ACP6: variants seen among roughly 807,000 people sequenced by gnomAD.
ACP6 encodes the protein lysophosphatidic acid phosphatase type 6.
Under a neutral mutation model 48.1 loss-of-function variants are expected in ACP6, and 48 were observed. That is an observed-to-expected ratio of 1.00 (90% CI 0.79 to 1.27). The LOEUF is 1.27. Among genes scored for constraint, ACP6 ranks in the 50% most tolerant of loss-of-function variants. The pLI is 0.00. For missense variants in ACP6, 485 were observed against 529.1 expected, an observed-to-expected ratio of 0.92 and a Z score of 0.82; for synonymous variants, 172 against 204.2, an observed-to-expected ratio of 0.84 and a Z score of 1.34.
chr1:147,655,385 G>T (rs782159489), intron 4 of ACP6, 137 bp from the exon 5 acceptor site: 5 of 674,074 alleles, frequency 7.4e-6, no homozygotes, highest in African/African-American at 1.8e-5. Flanking sequence ...TACTCCTTAA[G>T]GACAGAAAAT....
At chr1:147,653,239 T>C (rs1553210986) in intron 6 of ACP6, among the ~76,000 whole-genome samples, 1 of 151,772 alleles carries the variant, frequency 6.6e-6, no homozygotes, top group Non-Finnish European at 1.5e-5. Flanking sequence ...CAAGCAAGTA[T>C]TCTGCCTCAG....
At position 147,646,111 on chromosome 1, in the gene ACP6, A is replaced by G. The variant is rs1357077128; in HGVS notation, c.*1312T>C. On this transcript the variant is annotated 3_prime_UTR_variant, in exon 10 of 10. Transcript: ENST00000583509. ...AAATACAGTAACCAGCAGACTGAGG[A>G]TGGGAAGGGGATGCTGAAGATTGAG... 1 of 152,236 alleles carries G rather than the reference A, an allele frequency of 6.6e-6. No individual in the cohort carries two copies. The highest frequency in any genetic ancestry group is 1.5e-5 in the Non-Finnish European group (1 of 68,046). The allele number at this position is 152,236 out of a possible 1,614,324, so 9.4% of individuals were successfully genotyped here.
At chr1:147,663,226 G>C (rs12025871) in intron 1 of ACP6, among the ~76,000 whole-genome samples, 15,001 of 152,150 alleles carry the variant, frequency 0.099, 1,026 homozygotes, top group East Asian at 0.33. Flanking sequence ...AGGTATGCTT[G>C]TCTGTGTAGA....
chr1:147,668,589 G>A (rs1243018483), intron 1 of ACP6, among the ~76,000 whole-genome samples: 1 of 151,950 alleles, frequency 6.6e-6, no homozygotes, highest in African/African-American at 2.4e-5. Context: ...TGGGGGAAGG[G>A]GAGCATCAGA....
chr1:147,637,044 T>C (rs1342626391), intron 5 of ACP6, among the ~76,000 whole-genome samples: 1 of 152,200 alleles, frequency 6.6e-6, no homozygotes, highest in Non-Finnish European at 1.5e-5. Context: ...AACACTTTAA[T>C]AAGGTTACAC....
At chr1:147,631,839 A>T (rs1659173455) in intron 5 of ACP6, among the ~76,000 whole-genome samples, 1 of 151,770 alleles carries the variant, frequency 6.6e-6, no homozygotes, top group Admixed American at 6.6e-5. Flanking sequence ...ACAACAAAAA[A>T]AACAGTATGA....
intron 1 of ACP6, among the ~76,000 whole-genome samples, chr1:147,662,950 C>A (rs587668838): frequency 6.6e-6 from 1 of 152,338 alleles, no homozygotes; most frequent in South Asian, 2.1e-4. Context: ...GATCAGTCAG[C>A]AGCCATCAAC....
intron 1 of ACP6, 96 bp downstream of exon 1, chr1:147,669,734 G>T: frequency 7.6e-7 from 1 of 1,307,988 alleles, no homozygotes; most frequent in Non-Finnish European, 1.0e-6. Flanking sequence ...GCCCCGCTCC[G>T]CGCGAGTAAA....
At chr1:147,662,484 C>T (rs1225826377) in intron 1 of ACP6, among the ~76,000 whole-genome samples, 1 of 152,130 alleles carries the variant, frequency 6.6e-6, no homozygotes, top group Non-Finnish European at 1.5e-5. Flanking sequence ...AGATTTGACT[C>T]CAACCCTCAT....
At chr1:147,666,600 CA>C (rs1207088420) in intron 1 of ACP6, among the ~76,000 whole-genome samples, 3 of 152,152 alleles carry the variant, frequency 2.0e-5, no homozygotes, top group Admixed American at 6.5e-5. Flanking sequence ...GATTATCCCC[CA>C]AAAAAGTGGG....
chr1:147,653,125 C>A (rs1305771933), intron 6 of ACP6, among the ~76,000 whole-genome samples: 2 of 151,786 alleles, frequency 1.3e-5, no homozygotes, highest in African/African-American at 4.8e-5. Context: ...CCGCGCCCGG[C>A]CTGTTTTACT....
chr1:147,659,152 T>C (rs1250260529), intron 3 of ACP6, 113 bp from the exon 4 acceptor site: 3 of 1,136,306 alleles, frequency 2.6e-6, no homozygotes, highest in East Asian at 2.6e-5. Context: ...AGGAGAGCTA[T>C]GGAACTAGGA....
downstream of ACP6, among the ~76,000 whole-genome samples, chr1:147,637,757 TA>T (rs1467715582): frequency 6.6e-6 from 1 of 152,228 alleles, no homozygotes; most frequent in Non-Finnish European, 1.5e-5. Flanking sequence ...TTGTCTCCAT[TA>T]AGTTCCATCT....
intron 1 of ACP6, among the ~76,000 whole-genome samples, chr1:147,662,055 A>G (rs1660572579): frequency 6.6e-6 from 1 of 152,230 alleles, no homozygotes; most frequent in South Asian, 2.1e-4. Flanking sequence ...AAATGGAACA[A>G]CAAAGCCTGC....
rs587771801 is a variant in ACP6 at position 147,653,509 on chromosome 1, C to G, written c.780+685G>C. Reference sequence around the variant, plus strand: ...AAATTCCTACTTGATCTTCATTTTCCCAAAATGAAGTCTAAAAAATACGCC... The same window carrying G: ...AAATTCCTACTTGATCTTCATTTTCGCAAAATGAAGTCTAAAAAATACGCC... On this transcript the variant is annotated intron_variant, in intron 6 of 9. Coordinates refer to ENST00000583509, the MANE Select transcript of ACP6 (RefSeq NM_016361.5). Among the ~76,000 whole-genome samples, 215 of 152,012 alleles carry G rather than the reference C, an allele frequency of 1.4e-3. 2 individuals carry two copies. The highest frequency in any genetic ancestry group is 1.0e-3 in the Non-Finnish European group (71 of 68,002).
At chr1:147,629,904 G>GC (rs1553207143) in exon 6 of ACP6, 43 of 152,318 alleles carry the variant, frequency 2.8e-4, no homozygotes, top group Middle Eastern at 3.4e-3. Flanking sequence ...TTAACTTTCT[G>GC]TCTCAGTGCT....
intron 5 of ACP6, among the ~76,000 whole-genome samples, chr1:147,636,386 A>C (rs1183966782): frequency 6.6e-6 from 1 of 152,220 alleles, no homozygotes; most frequent in Non-Finnish European, 1.5e-5. Flanking sequence ...AGATCACAAG[A>C]AGCGGGACAG....
chr1:147,652,719 C>A, intron 6 of ACP6, 170 bp from the exon 7 acceptor site: 1 of 1,357,212 alleles, frequency 7.4e-7, no homozygotes, highest in Non-Finnish European at 1.0e-6. Context: ...CTCTAAAGCT[C>A]TTCCAAAGCT....
In ACP6 at chr1:147,669,851, C is replaced by A; in HGVS notation, c.198G>T (p.Lys66Asn). 6.3e-7 allele frequency: 1 copy of A among 1,597,428 alleles called. No homozygotes were observed. Reference sequence around the variant, plus strand: ...TCACCTGCTCCTCCAGCGGGAGCGGCTTGAGAGGACTCCGAGCCCCGTGTC... The same window carrying A: ...TCACCTGCTCCTCCAGCGGGAGCGGATTGAGAGGACTCCGAGCCCCGTGTC... ...VFRHGARSPL[K>N]PLPLEEQVEW... Residue 66 changes from lysine to asparagine, a missense_variant, in exon 1 of 10, where the codon AAG (lysine) becomes AAT (asparagine). Physicochemically the swap from Lys to Asn is moderately conservative, Grantham distance 94. Transcript: ENST00000583509.
Sources: gnomAD v4.1 joint callset for allele counts (sites outside exome capture counted in the v4.1 genomes callset) on GRCh38, gnomAD v4.1.1 for gene constraint, MANE v1.5 for transcripts, NCBI Gene and HGNC (gene_info 2026-07-23, HGNC 2026-07-21) for gene names.